The following WDR25 variants were observed in gnomAD, a reference collection of about 807,000 sequenced individuals.
WDR25 encodes the protein WD repeat-containing protein 25.
Under a neutral mutation model 47.7 loss-of-function variants are expected in WDR25, and 35 were observed. The ratio of observed to expected loss-of-function variants is 0.73; its 90% confidence interval spans 0.56 to 0.97. The LOEUF (loss-of-function observed/expected upper bound fraction) is 0.97, where lower values mean the gene tolerates loss of function less well. Among genes scored for constraint, WDR25 ranks in the 50% least tolerant of loss-of-function variants. The pLI is 0.00. For synonymous variants in WDR25, 248 were observed against 278.9 expected, an observed-to-expected ratio of 0.89 and a Z score of 1.10; for missense variants, 634 against 704.7, an observed-to-expected ratio of 0.90 and a Z score of 1.14.
chr14:100,382,241 C>A (rs372349484), intron 2 of WDR25: 13 of 699,276 alleles, frequency 1.9e-5, no homozygotes, highest in Non-Finnish European at 3.4e-5. Context: ...GCTGTGAGGA[C>A]GGCCCCCAGT....
chr14:100,413,763 A>T (rs1228640307), intron 2 of WDR25, among the ~76,000 whole-genome samples: 1 of 152,108 alleles, frequency 6.6e-6, no homozygotes, highest in Non-Finnish European at 1.5e-5. Context: ...CACCAACCCA[A>T]TAGTTTTTCC....
intron 3 of WDR25, among the ~76,000 whole-genome samples, chr14:100,475,059 T>A (rs1012990358): frequency 6.6e-6 from 1 of 152,192 alleles, no homozygotes; most frequent in Non-Finnish European, 1.5e-5. Context: ...TCTGTAATCA[T>A]GGGGAAATGC....
At chr14:100,510,407 A>G (rs577125877) in intron 4 of WDR25, among the ~76,000 whole-genome samples, 1 of 151,850 alleles carries the variant, frequency 6.6e-6, no homozygotes, top group Non-Finnish European at 1.5e-5. Context: ...AGCTGGCACT[A>G]TAGATGTGCA....
At chr14:100,471,090 G>A (rs1566926215) in intron 3 of WDR25, among the ~76,000 whole-genome samples, 1 of 152,194 alleles carries the variant, frequency 6.6e-6, no homozygotes, top group Non-Finnish European at 1.5e-5. Context: ...AATGGTTGAG[G>A]GATTTGGACC....
chr14:100,446,550 C>CAAAAAAAA (rs55946078), intron 2 of WDR25, among the ~76,000 whole-genome samples: 24 of 74,916 alleles, frequency 3.2e-4, no homozygotes, highest in Admixed American at 5.8e-4. Flanking sequence ...GACTCCATCT[C>CAAAAAAAA]AAAAAAAAAA....
intron 2 of WDR25, among the ~76,000 whole-genome samples, chr14:100,393,085 A>G (rs1339587647): frequency 6.6e-6 from 1 of 152,268 alleles, no homozygotes; most frequent in Non-Finnish European, 1.5e-5. Flanking sequence ...ATCTAAGTGA[A>G]TGTGATCTGT....
At chr14:100,434,934 AC>A (rs1356061177) in intron 2 of WDR25, among the ~76,000 whole-genome samples, 4 of 152,222 alleles carry the variant, frequency 2.6e-5, no homozygotes, top group African/African-American at 7.2e-5. Context: ...TGAGCAGGCT[AC>A]ATTAGTCCTG....
intron 2 of WDR25, among the ~76,000 whole-genome samples, chr14:100,433,049 C>T (rs929052863): frequency 6.6e-6 from 1 of 152,186 alleles, no homozygotes; most frequent in Non-Finnish European, 1.5e-5. Flanking sequence ...GGACCACTGC[C>T]GTGCATGTGG....
Position 100,528,958 on chromosome 14 carries a change from A to G in WDR25, c.1273-110A>G, listed in dbSNP as rs2030326467. On this transcript the variant is annotated intron_variant, in intron 5 of 6. Coordinates refer to ENST00000402312, the MANE Select transcript of WDR25 (RefSeq NM_001161476.3). ...GGTGATTTGTCACAGCAGTGATAGG[A>G]AACCAATGGAGACACCCAGCTAGGG... 9 of 1,326,650 alleles carry G rather than the reference A, an allele frequency of 6.8e-6. No homozygotes were observed. The South Asian group carries it at 1.4e-4, about 21-fold the overall frequency. 82.2% of individuals were successfully genotyped at this position (1,326,650 alleles called of 1,614,324 possible).
chr14:100,455,956 A>G (rs569370406), intron 2 of WDR25, among the ~76,000 whole-genome samples: 1 of 152,244 alleles, frequency 6.6e-6, no homozygotes, highest in African/African-American at 2.4e-5. Flanking sequence ...GTAATGGAGT[A>G]TGTGTATGGC....
chr14:100,397,307 CT>C (rs1192889849), intron 2 of WDR25, among the ~76,000 whole-genome samples: 2 of 152,202 alleles, frequency 1.3e-5, no homozygotes, highest in African/African-American at 4.8e-5. Context: ...GTAACAAAAT[CT>C]GTTTCTTTTA....
chr14:100,430,151 G>GGTGTGTGT lies in WDR25; in HGVS notation c.823-37843_823-37836dup, dbSNP rs59318813. Among the ~76,000 whole-genome samples, 75 of 146,890 alleles carry GGTGTGTGT rather than the reference G, an allele frequency of 5.1e-4. No individual in the cohort carries two copies. Among genetic ancestry groups the GGTGTGTGT allele is most frequent in the East Asian group, 1.8e-3 (9 of 4,970 alleles). ...CAAATCTTGCAGACCAAGGGGGCCTGGTGTGTGTGTGTGTGTGTGTGTGTG... is the reference window on the plus strand; with the variant it reads ...CAAATCTTGCAGACCAAGGGGGCCTGGTGTGTGTGTGTGTGTGTGTGTGTGTGTGTGTG... On this transcript the variant is annotated intron_variant, in intron 2 of 6. Coordinates refer to ENST00000402312, the MANE Select transcript of WDR25 (RefSeq NM_001161476.3). This position sits in a 1 kb window ranked among gnomAD's most constrained non-coding sequence, Gnocchi z 4.7.
Position 100,381,436 on chromosome 14 carries a change from A to T in WDR25, c.512A>T (p.Asp171Val), listed in dbSNP as rs369508367. 5.0e-6 allele frequency: 8 copies of T among 1,614,176 alleles called. No homozygotes were observed. Among genetic ancestry groups the T allele is most frequent in the Non-Finnish European group, 5.1e-6 (6 of 1,180,032 alleles). ...TCTTTTCAGAAGAAAAAATGTGAGG[A>T]CTGTGTGGTACCCTATACTCCCAGA... ...GSSFQKKKCEDCVVPYTPRRL... is the reference protein window; with the variant it reads ...GSSFQKKKCEVCVVPYTPRRL... The change falls in exon 2 of 7, where the codon GAC (aspartate) becomes GTC (valine). Residue 171 changes from aspartate (D) to valine (V), a missense_variant. Asp to Val is a radical substitution (Grantham distance 152). Coordinates refer to ENST00000402312, the MANE Select transcript of WDR25 (RefSeq NM_001161476.3).
intron 2 of WDR25, among the ~76,000 whole-genome samples, chr14:100,453,027 AAGG>A (rs770556506): frequency 6.6e-6 from 1 of 151,982 alleles, no homozygotes; most frequent in South Asian, 2.1e-4. Flanking sequence ...CCACAGAGGC[AAGG>A]AGAAGTGGTT....
chr14:100,478,292 T>C (rs1216657254), intron 3 of WDR25, among the ~76,000 whole-genome samples: 1 of 152,208 alleles, frequency 6.6e-6, no homozygotes, highest in Non-Finnish European at 1.5e-5. Flanking sequence ...ATGACGACCT[T>C]ACATTTGTAA....
At chr14:100,447,329 A>T (rs1203548) in intron 2 of WDR25, among the ~76,000 whole-genome samples, 118,125 of 152,148 alleles carry the variant, frequency 0.78, 46,020 homozygotes, top group East Asian at 0.9. Flanking sequence ...AACGATTTTA[A>T]TTTTGGACAC....
rs555587251 is a variant in WDR25, at chr14:100,392,162, C to T, written c.822+10416C>T. 2.0e-5 allele frequency among the ~76,000 whole-genome samples: 3 copies of T among 152,248 alleles called. No homozygotes were observed. The highest frequency in any genetic ancestry group is 1.9e-4 in the East Asian group (1 of 5,178). The stretch of plus-strand genomic sequence containing the variant: ...ATGTCCTCAGTTTTCACTTCTAATA[C>T]GCGAAGTACCCATAGCTATAATCCG... On this transcript the variant is annotated intron_variant, in intron 2 of 6. Coordinates refer to ENST00000402312, the MANE Select transcript of WDR25 (RefSeq NM_001161476.3). This position sits in a 1 kb window ranked among gnomAD's most constrained non-coding sequence, Gnocchi z 4.2.
At chr14:100,445,622 G>T (rs1898807508) in intron 2 of WDR25, among the ~76,000 whole-genome samples, 1 of 152,168 alleles carries the variant, frequency 6.6e-6, no homozygotes, top group African/African-American at 2.4e-5. Flanking sequence ...CTTGTTGCCA[G>T]GGCTGAGACG....
intron 2 of WDR25, among the ~76,000 whole-genome samples, chr14:100,433,790 C>T (rs1203106358): frequency 2.6e-5 from 4 of 152,230 alleles, no homozygotes; most frequent in African/African-American, 4.8e-5. Context: ...ACGCTAGCTG[C>T]TGTCTCCATA....
Sources: gnomAD v4.1 joint callset for allele counts (sites outside exome capture counted in the v4.1 genomes callset) on GRCh38, gnomAD v4.1.1 for gene constraint, Gnocchi (gnomAD v3.1) non-coding constraint, MANE v1.5 for transcripts, NCBI Gene and HGNC (gene_info 2026-07-23, HGNC 2026-07-21) for gene names.